The following LINGO2 variants were observed in gnomAD, a reference collection of about 807,000 sequenced individuals.
LINGO2 encodes leucine-rich repeat and immunoglobulin-like domain-containing nogo receptor-interacting protein 2.
LINGO2 carries 14 observed loss-of-function variants against 30.6 expected under a neutral mutation model. The observed-to-expected ratio is 0.46, with a 90% CI of 0.30 to 0.72. LINGO2 has a LOEUF of 0.72. Among genes scored for constraint, LINGO2 ranks in the 30% least tolerant of loss-of-function variants. LINGO2 has a pLI of 0.07. For synonymous variants in LINGO2, 317 were observed against 288.5 expected (o/e 1.10, Z -1.00); for missense variants, 729 against 751.7 (o/e 0.97, Z 0.35).
At chr9:29,137,870 C>T in the LINGO2 span, among the ~76,000 whole-genome samples, 1 of 151,944 alleles carries the variant, frequency 6.6e-6, no homozygotes, top group Non-Finnish European at 1.5e-5. Context: ...ATCTGCATCT[C>T]AATTTTCTGA....
the LINGO2 span, among the ~76,000 whole-genome samples, chr9:28,993,770 T>G: frequency 0.062 from 9,321 of 150,926 alleles, 390 homozygotes; most frequent in Non-Finnish European, 0.094. Context: ...AAAAACCACA[T>G]GATTTATCTC....
At chr9:29,029,817 A>G in the LINGO2 span, among the ~76,000 whole-genome samples, 1 of 152,068 alleles carries the variant, frequency 6.6e-6, no homozygotes, top group Non-Finnish European at 1.5e-5. Context: ...ATTCTCAAAG[A>G]ATATGCCATT....
intron 2 of LINGO2, among the ~76,000 whole-genome samples, chr9:28,374,357 G>C (rs1821037958): frequency 6.6e-6 from 1 of 151,752 alleles, no homozygotes; most frequent in African/African-American, 2.4e-5. Context: ...TATGCTTTAA[G>C]TGTTTATAAT....
chr9:27,951,314 A>G (rs534466095), intron 5 of LINGO2, among the ~76,000 whole-genome samples: 2 of 152,306 alleles, frequency 1.3e-5, no homozygotes, highest in South Asian at 2.1e-4. Context: ...TCACTTAGCA[A>G]ACTTTAATTT....
chr9:28,805,496 T>C, the LINGO2 span, among the ~76,000 whole-genome samples: 2 of 152,154 alleles, frequency 1.3e-5, no homozygotes, highest in Non-Finnish European at 2.9e-5. Flanking sequence ...GCCCCTAAGA[T>C]TTGGGTGGCT....
chr9:28,267,246 A>C (rs1362168455), intron 4 of LINGO2, among the ~76,000 whole-genome samples: 1 of 151,846 alleles, frequency 6.6e-6, no homozygotes, highest in Non-Finnish European at 1.5e-5. Flanking sequence ...AAGTGTTTAA[A>C]TCCATTACAA....
intron 1 of LINGO2, among the ~76,000 whole-genome samples, chr9:28,547,194 T>G (rs1246989681): frequency 6.6e-6 from 1 of 152,172 alleles, no homozygotes; most frequent in Admixed American, 6.5e-5. Flanking sequence ...AAATCGAGTA[T>G]TCTCCCTGTA....
At chr9:28,772,034 G>A in the LINGO2 span, among the ~76,000 whole-genome samples, 1 of 152,108 alleles carries the variant, frequency 6.6e-6, no homozygotes, top group Admixed American at 6.5e-5. Flanking sequence ...ACAGTGCTCT[G>A]AAGACACGTT....
the LINGO2 span, among the ~76,000 whole-genome samples, chr9:29,189,397 G>A: frequency 3.4e-5 from 5 of 148,874 alleles, no homozygotes; most frequent in African/African-American, 1.0e-4. Context: ...CGGGCAGAGG[G>A]TCTCCTCACT....
At chr9:28,455,245 T>C (rs925473839) in intron 2 of LINGO2, among the ~76,000 whole-genome samples, 3 of 152,014 alleles carry the variant, frequency 2.0e-5, no homozygotes, top group African/African-American at 7.2e-5. Flanking sequence ...TTCATAATTT[T>C]TCCAGAACAC....
chr9:28,331,812 A>G (rs548736519), intron 3 of LINGO2, among the ~76,000 whole-genome samples: 1 of 150,334 alleles, frequency 6.7e-6, no homozygotes, highest in Non-Finnish European at 1.5e-5. Flanking sequence ...ATCCTGATAT[A>G]CTTTAAAAAT....
At chr9:28,444,607 T>C (rs1824344106) in intron 2 of LINGO2, among the ~76,000 whole-genome samples, 1 of 152,196 alleles carries the variant, frequency 6.6e-6, no homozygotes, top group Non-Finnish European at 1.5e-5. Context: ...CTCTTTGGAC[T>C]CTGTGGTTTC....
At chr9:28,535,531 A>AT (rs547338473) in intron 1 of LINGO2, among the ~76,000 whole-genome samples, 40 of 151,486 alleles carry the variant, frequency 2.6e-4, no homozygotes, top group African/African-American at 4.6e-4. Context: ...AACTGTATCT[A>AT]TTTTTTTTTA....
chr9:28,599,164 T>C (rs1044210162), intron 1 of LINGO2: 2 of 152,172 alleles, frequency 1.3e-5, no homozygotes, highest in Non-Finnish European at 2.9e-5. Flanking sequence ...CCAGGGATTT[T>C]TCTATGAGGC....
chr9:28,071,797 AATATAG>A (rs1267501680), intron 4 of LINGO2, among the ~76,000 whole-genome samples: 2 of 152,064 alleles, frequency 1.3e-5, no homozygotes, highest in Admixed American at 6.6e-5. Context: ...TCTAACAATA[AATATAG>A]ATGTAGATAT....
the LINGO2 span, among the ~76,000 whole-genome samples, chr9:29,069,101 T>C: frequency 1.3e-5 from 2 of 151,864 alleles, no homozygotes; most frequent in African/African-American, 4.8e-5. Flanking sequence ...GGGACAATTA[T>C]ATGTATCCAT....
At chr9:28,297,537 T>G (rs1356441873) in intron 3 of LINGO2, among the ~76,000 whole-genome samples, 1 of 152,162 alleles carries the variant, frequency 6.6e-6, no homozygotes, top group Non-Finnish European at 1.5e-5. Context: ...CAATATTACA[T>G]CCAATCAAGA....
the LINGO2 span, among the ~76,000 whole-genome samples, chr9:28,913,276 G>T: frequency 6.6e-6 from 1 of 151,938 alleles, no homozygotes; most frequent in Non-Finnish European, 1.5e-5. Flanking sequence ...TTATCCACAT[G>T]TCTATTTGTA....
chr9:28,863,453 T>C, the LINGO2 span, among the ~76,000 whole-genome samples: 15 of 152,076 alleles, frequency 9.9e-5, no homozygotes, highest in Non-Finnish European at 2.1e-4. Flanking sequence ...TTCTGGTGTG[T>C]TTGACACAGG....
Sources: gnomAD v4.1 joint callset for allele counts (sites outside exome capture counted in the v4.1 genomes callset) on GRCh38, gnomAD v4.1.1 for gene constraint, MANE v1.5 for transcripts, NCBI Gene and HGNC (gene_info 2026-07-23, HGNC 2026-07-21) for gene names.